DHX32: variants seen among roughly 807,000 people sequenced by gnomAD.
The protein encoded by DHX32 is DEAH-box helicase 32 (putative).
DHX32 carries 51 observed loss-of-function variants against 70.0 expected under a neutral mutation model. The ratio of observed to expected loss-of-function variants is 0.73; its 90% CI spans 0.58 to 0.92. The LOEUF (loss-of-function observed/expected upper bound fraction) is 0.92. Ranked by LOEUF, DHX32 falls within the 40% of genes least tolerant of loss-of-function variation. The probability of loss-of-function intolerance (pLI) is 0.00; values close to 1 mark genes in which losing one functional copy is unlikely to be tolerated. For synonymous variants in DHX32, 310 were observed against 315.3 expected (o/e 0.98, Z 0.18); for missense variants, 762 against 891.8 (o/e 0.85, Z 1.85).
At position 125,852,613 on chromosome 10, in the gene DHX32, CGAGTTTGCT is replaced by C; in HGVS notation, c.1113_1121del (p.Ala372_Ser374del). 1 of 1,612,138 alleles carries C rather than the reference CGAGTTTGCT, an allele frequency of 6.2e-7. No individual in the cohort carries two copies. Among genetic ancestry groups the C allele is most frequent in the Non-Finnish European group, 8.5e-7 (1 of 1,179,568 alleles). ...TCTGGCTGATGGGCTGCATGACGAG[CGAGTTTGCT>C]CTTATTCTCGGGTTGTACACCTTTA... On this transcript the variant is annotated inframe_deletion, in exon 5 of 11. Coordinates refer to ENST00000284690, the MANE Select transcript of DHX32 (RefSeq NM_018180.3).
At chr10:125,895,849 C>G (rs1944483395) in intron 1 of DHX32, among the ~76,000 whole-genome samples, 1 of 152,062 alleles carries the variant, frequency 6.6e-6, no homozygotes. Context: ...TCTCGCGATT[C>G]AGGAGACGCG....
At chr10:125,867,521 A>T (rs951043988) in intron 1 of DHX32, among the ~76,000 whole-genome samples, 1 of 152,054 alleles carries the variant, frequency 6.6e-6, no homozygotes, top group African/African-American at 2.4e-5. Flanking sequence ...CGGATCACGA[A>T]GTCAGGAGAT....
At chr10:125,846,100 C>T (rs1049370042) in intron 6 of DHX32, among the ~76,000 whole-genome samples, 1 of 152,178 alleles carries the variant, frequency 6.6e-6, no homozygotes. Flanking sequence ...CTAGAGGGCA[C>T]CTGTCTAGTC....
chr10:125,875,790 C>CT (rs1944280527), intron 1 of DHX32, among the ~76,000 whole-genome samples: 1 of 152,182 alleles, frequency 6.6e-6, no homozygotes, highest in African/African-American at 2.4e-5. Flanking sequence ...CCCAAACTCC[C>CT]TTAGCCATTC....
rs775182055 is a variant in DHX32 at position 125,841,791 on chromosome 10, CACAGG to C, written c.1490_1494del (p.Ser497Ter). 2.5e-6 allele frequency: 4 copies of C among 1,613,184 alleles called. No homozygotes were observed. Among genetic ancestry groups the C allele is most frequent in the Admixed American group, 3.3e-5 (2 of 59,798 alleles). The stretch of plus-strand genomic sequence containing the variant: ...AGCACTTCATCTACACAGTCAAATT[CACAGG>C]ACGCTAAGATAGACTTCGAGAGTTG... On this transcript the variant is annotated frameshift_variant, in exon 7 of 11. Transcript: ENST00000284690. LOFTEE classifies it high-confidence loss of function.
In DHX32 at chr10:125,880,950, A is replaced by G; in HGVS notation, c.-126T>C. 1 of 1,188,414 alleles carries G rather than the reference A, an allele frequency of 8.4e-7. No homozygotes were observed. The highest frequency in any genetic ancestry group is 1.2e-6 in the Non-Finnish European group (1 of 852,724). 73.6% of individuals were successfully genotyped at this position (1,188,414 alleles called of 1,614,324 possible). On this transcript the variant is annotated 5_prime_UTR_variant, in exon 1 of 11. Coordinates refer to ENST00000284690, the MANE Select transcript of DHX32 (RefSeq NM_018180.3). ...CGTATGTTCCAATCTCTAAGACTTC[A>G]GTTCAAGGTTTTAGCAAGTTAAATT...
rs186147924 is a variant in DHX32, at chr10:125,845,558, C to T, written c.1352-3624G>A. Among the ~76,000 whole-genome samples the T allele has an allele frequency of 2.4e-3, 369 of 152,346 alleles. 1 individual carries two copies. The highest frequency in any genetic ancestry group is 8.4e-3 in the African/African-American group (350 of 41,572). The stretch of plus-strand genomic sequence containing the variant: ...GGCAGGGGGTCTCCTGGTAACCAGT[C>T]CCCAAAGCCAGGGCCATTCCCTCTC... On this transcript the variant is annotated intron_variant, in intron 6 of 10. Coordinates refer to ENST00000284690, the MANE Select transcript of DHX32 (RefSeq NM_018180.3).
At chr10:125,858,697 T>C (rs1354989896) in intron 3 of DHX32, among the ~76,000 whole-genome samples, 2 of 152,166 alleles carry the variant, frequency 1.3e-5, no homozygotes, top group Non-Finnish European at 2.9e-5. Flanking sequence ...TTGGTTTCTG[T>C]TTAATGAGTA....
intron 1 of DHX32, among the ~76,000 whole-genome samples, chr10:125,880,102 G>C (rs1471350706): frequency 6.6e-6 from 1 of 152,148 alleles, no homozygotes; most frequent in Non-Finnish European, 1.5e-5. Flanking sequence ...TTGTGCTTTT[G>C]ATTTCAGTAG....
At position 125,854,227 on chromosome 10, in the gene DHX32, A is replaced by G. The variant is rs763363515; in HGVS notation, c.850-24T>C. 5 of 1,558,786 alleles carry G rather than the reference A, an allele frequency of 3.2e-6. No individual in the cohort carries two copies. The East Asian group carries it at 6.7e-5, about 21-fold the overall frequency. On this transcript the variant is annotated intron_variant, in intron 3 of 10. Coordinates refer to ENST00000284690, the MANE Select transcript of DHX32 (RefSeq NM_018180.3). ...TCCTAAAGAAAAAAAAACCCATGAAAATAAAATACAATGCAAACAACATCA... is the reference window on the plus strand; with the variant it reads ...TCCTAAAGAAAAAAAAACCCATGAAGATAAAATACAATGCAAACAACATCA...
At chr10:125,843,005 A>T (rs760926254) in intron 6 of DHX32, among the ~76,000 whole-genome samples, 58 of 152,052 alleles carry the variant, frequency 3.8e-4, no homozygotes, top group Admixed American at 1.2e-3. Flanking sequence ...CAAAAACCAC[A>T]ATTATTTTTG....
In DHX32 at chr10:125,852,318, G is replaced by A; in HGVS notation, c.1326C>T (p.Gly442=). The change falls in exon 6 of 11, where the codon GGC becomes GGT. Residue 442 remains glycine (G), a synonymous_variant. Transcript: ENST00000284690. ...CTGGTCTGTTCATGAAGTCACAGTG[G>A]CCTAGGCCCGCAATGTCTATCCTCT... is the stretch of plus-strand genomic sequence containing the variant. ...FMKRIDIAGL[G]HCDFMNRPAP... The A allele has an allele frequency of 6.2e-7, 1 of 1,614,132 alleles. No individual in the cohort carries two copies. Among genetic ancestry groups the A allele is most frequent in the East Asian group, 2.2e-5 (1 of 44,872 alleles).
chr10:125,895,551 T>C (rs1944462270), intron 1 of DHX32, among the ~76,000 whole-genome samples: 1 of 152,214 alleles, frequency 6.6e-6, no homozygotes, highest in Non-Finnish European at 1.5e-5. Context: ...TACCAGATAA[T>C]AATCTCTTGT....
chr10:125,836,427 C>G lies in DHX32; in HGVS notation c.*260G>C. The G allele has an allele frequency of 6.9e-7, 1 of 1,440,544 alleles. No homozygotes were observed. Among genetic ancestry groups the G allele is most frequent in the Non-Finnish European group, 9.1e-7 (1 of 1,102,816 alleles). 89.2% of individuals were successfully genotyped at this position (1,440,544 alleles called of 1,614,324 possible). ...GTGTCTCTGACACATTTACAAAATA[C>G]CAGTTTTTTAAAATTTTGGTCAAAT... On this transcript the variant is annotated 3_prime_UTR_variant, in exon 11 of 11. Transcript: ENST00000284690.
intron 1 of DHX32, among the ~76,000 whole-genome samples, chr10:125,886,784 C>A (rs1354894941): frequency 6.6e-6 from 1 of 152,234 alleles, no homozygotes; most frequent in Admixed American, 6.5e-5. Flanking sequence ...TTGAAAAGTA[C>A]AAAGCTGCAC....
intron 3 of DHX32, among the ~76,000 whole-genome samples, chr10:125,855,286 AC>A (rs1944136952): frequency 6.6e-6 from 1 of 151,906 alleles, no homozygotes; most frequent in Non-Finnish European, 1.5e-5. Context: ...CATCCCCTGA[AC>A]CTGGCTGCTG....
At chr10:125,850,529 G>A (rs1944077680) in intron 6 of DHX32, among the ~76,000 whole-genome samples, 1 of 151,614 alleles carries the variant, frequency 6.6e-6, no homozygotes, top group African/African-American at 2.4e-5. Context: ...GGCTAATTTT[G>A]TTTTTAGTAG....
intron 2 of DHX32, among the ~76,000 whole-genome samples, chr10:125,865,918 G>A (rs1016929504): frequency 6.6e-6 from 1 of 152,264 alleles, no homozygotes; most frequent in South Asian, 2.1e-4. Flanking sequence ...CCAGTTTACC[G>A]AACATCCTCC....
At chr10:125,865,218 C>T (rs888901875) in intron 2 of DHX32, among the ~76,000 whole-genome samples, 1 of 152,160 alleles carries the variant, frequency 6.6e-6, no homozygotes, top group Non-Finnish European at 1.5e-5. Context: ...CTTTCAGGGT[C>T]CTATGTCTTG....
Sources: gnomAD v4.1 joint callset for allele counts (sites outside exome capture counted in the v4.1 genomes callset) on GRCh38, gnomAD v4.1.1 for gene constraint, MANE v1.5 for transcripts, NCBI Gene and HGNC (gene_info 2026-07-23, HGNC 2026-07-21) for gene names.